CNN1: variants seen among roughly 807,000 people sequenced by gnomAD.
CNN1 encodes the protein calponin 1.
In CNN1, 21 loss-of-function variants were observed where a neutral mutation model predicts 35.3. That is an observed-to-expected ratio of 0.60 (90% CI 0.42 to 0.86). CNN1 has a LOEUF of 0.86. Ranked by LOEUF, CNN1 falls within the 40% of genes least tolerant of loss-of-function variation. The pLI is 0.00. For synonymous variants in CNN1, 164 were observed against 161.8 expected, an observed-to-expected ratio of 1.01 and a Z score of -0.10; for missense variants, 314 against 400.8, an observed-to-expected ratio of 0.78 and a Z score of 1.85.
intron 1 of CNN1, 145 bp from the exon 2 acceptor site, chr19:11,540,931 T>A: frequency 2.5e-6 from 2 of 807,442 alleles, no homozygotes; most frequent in Non-Finnish European, 3.6e-6. Flanking sequence ...ATCCCCCAAC[T>A]ATGGATCTGG....
Position 11,549,824 on chromosome 19 carries a change from C to A in CNN1, c.*29C>A, listed in dbSNP as rs758051953. ...CACAAGGCCTTCCCTGTTTTCCCCCCAAGGGAGGCTGCTGCTGCTCTTGGC... is the reference window on the plus strand; with the variant it reads ...CACAAGGCCTTCCCTGTTTTCCCCCAAAGGGAGGCTGCTGCTGCTCTTGGC... On this transcript the variant is annotated 3_prime_UTR_variant, in exon 7 of 7. Transcript: ENST00000252456. The surrounding 1 kb of genome is among the most constrained non-coding windows in gnomAD (Gnocchi z 5.2). 6 of 1,575,596 alleles carry A rather than the reference C, an allele frequency of 3.8e-6. No individual in the cohort carries two copies. The East Asian group carries it at 9.0e-5, about 24-fold the overall frequency.
chr19:11,540,022 G>A (rs974795762), intron 1 of CNN1: 6 of 1,059,592 alleles, frequency 5.7e-6, no homozygotes, highest in Non-Finnish European at 2.3e-6. Context: ...CCAGGGCCAG[G>A]TGAGGGGGCC....
intron 1 of CNN1, 172 bp downstream of exon 1, chr19:11,539,162 C>T (rs771580679): frequency 9.0e-7 from 1 of 1,110,698 alleles, no homozygotes; most frequent in Non-Finnish European, 1.2e-6. Flanking sequence ...CATCCCGGAG[C>T]CCCCAGCTAT....
Position 11,549,396 on chromosome 19 carries a change from A to G in CNN1, c.575A>G (p.Lys192Arg). 6.2e-7 allele frequency: 1 copy of G among 1,613,794 alleles called. No homozygotes were observed. The highest frequency in any genetic ancestry group is 8.5e-7 in the Non-Finnish European group (1 of 1,179,940). ...YGTRRHLYDP[K>R]LGTDQPLDQA... ...ACCCGGCGCCACCTCTACGACCCCA[A>G]GCTGGGCACAGACCAGCCTCTGGAC... Residue 192 changes from lysine to arginine, a missense_variant, in exon 6 of 7, where the codon AAG (lysine) becomes AGG (arginine). Lys to Arg is a conservative substitution (Grantham distance 26, BLOSUM62 2). Coordinates refer to ENST00000252456, the MANE Select transcript of CNN1 (RefSeq NM_001299.6). The surrounding 1 kb of genome is among the most constrained non-coding windows in gnomAD (Gnocchi z 5.2).
In CNN1 at chr19:11,549,865, C is replaced by T; in HGVS notation, c.*70C>T. On this transcript the variant is annotated 3_prime_UTR_variant, in exon 7 of 7. Coordinates refer to ENST00000252456, the MANE Select transcript of CNN1 (RefSeq NM_001299.6). This position sits in a 1 kb window ranked among gnomAD's most constrained non-coding sequence, Gnocchi z 5.2. The stretch of plus-strand genomic sequence containing the variant: ...TGCTCTTGGCTGGACCCAGCCAGGC[C>T]CAGCCGACCCCCTCTCCCTGCATGG... 6.5e-7 allele frequency: 1 copy of T among 1,536,672 alleles called. No individual in the cohort carries two copies. Among genetic ancestry groups the T allele is most frequent in the Non-Finnish European group, 8.8e-7 (1 of 1,137,118 alleles).
Position 11,539,043 on chromosome 19 carries a change from C to T in CNN1, c.63+53C>T, listed in dbSNP as rs901736530. ...GCCCACACGTCCTGCCAGGCCAGAGCCCTGAGCTTGGGGTCCCTTGAACCC... is the reference window on the plus strand; with the variant it reads ...GCCCACACGTCCTGCCAGGCCAGAGTCCTGAGCTTGGGGTCCCTTGAACCC... On this transcript the variant is annotated intron_variant, in intron 1 of 6. Coordinates refer to ENST00000252456, the MANE Select transcript of CNN1 (RefSeq NM_001299.6). 8.3e-6 allele frequency: 12 copies of T among 1,452,132 alleles called. No homozygotes were observed. In the African/African-American group the frequency reaches 1.4e-4, roughly 18 times the overall value. 90.0% of individuals were successfully genotyped at this position (1,452,132 alleles called of 1,614,324 possible).
Position 11,541,062 on chromosome 19 carries a change from T to A in CNN1, c.64-14T>A, listed in dbSNP as rs746905716. 6 of 1,595,106 alleles carry A rather than the reference T, an allele frequency of 3.8e-6. No individual in the cohort carries two copies. In the Admixed American group the frequency reaches 8.7e-5, roughly 23 times the overall value. On this transcript the variant is annotated splice_polypyrimidine_tract_variant and intron_variant, in intron 1 of 6. Coordinates refer to ENST00000252456, the MANE Select transcript of CNN1 (RefSeq NM_001299.6). ...ACCCCTTTCTCTGTGCCCCCTGCCC[T>A]CCCCTCGCCCCAGCTGGCCCAGAAG...
chr19:11,549,476 G>A lies in CNN1; in HGVS notation c.648+7G>A, dbSNP rs569795788. 1.2e-6 allele frequency: 2 copies of A among 1,613,250 alleles called. No individual in the cohort carries two copies. Among genetic ancestry groups the A allele is most frequent in the East Asian group, 4.5e-5 (2 of 44,832 alleles). ...CAACAAAGGAGCCAGCCAGGTGAGT[G>A]GGGGCCCCCGGGACACGCCGTCAAG... On this transcript the variant is annotated splice_region_variant and intron_variant, in intron 6 of 6. Transcript: ENST00000252456. This position sits in a 1 kb window ranked among gnomAD's most constrained non-coding sequence, Gnocchi z 5.2.
chr19:11,543,899 G>C (rs1360472966), intron 2 of CNN1, among the ~76,000 whole-genome samples: 1 of 150,494 alleles, frequency 6.6e-6, no homozygotes, highest in Non-Finnish European at 1.5e-5. Context: ...ATGTACCCCA[G>C]AAGTTAAAGT....
At chr19:11,539,148 T>C (rs769162470) in intron 1 of CNN1, 158 bp downstream of exon 1, 80 of 1,087,846 alleles carry the variant, frequency 7.4e-5, no homozygotes, top group Non-Finnish European at 8.9e-5. Flanking sequence ...TGTCTCCCCC[T>C]GAACATCCCG....
intron 1 of CNN1, chr19:11,539,882 G>C (rs1464885563): frequency 1.7e-6 from 2 of 1,165,572 alleles, no homozygotes; most frequent in Middle Eastern, 3.9e-4. Context: ...CCCCAGCGCC[G>C]GCCCCAGAGC....
chr19:11,539,050 C>A (rs2145023301), intron 1 of CNN1, 60 bp downstream of exon 1: 1 of 1,403,290 alleles, frequency 7.1e-7, no homozygotes, highest in Admixed American at 2.6e-5. Flanking sequence ...GAGCCCTGAG[C>A]TTGGGGTCCC....
At chr19:11,540,089 GGGGCTGGGAGCCTGGCT>G in intron 1 of CNN1, 1 of 1,025,500 alleles carries the variant, frequency 9.8e-7, no homozygotes, top group Non-Finnish European at 1.2e-6. Flanking sequence ...CGGTCCCCTA[GGGGCTGGGAGCCTGGCT>G]GGGCTTGGGC....
rs776419314 is a variant in CNN1, at chr19:11,549,375, G to A, written c.554G>A (p.Arg185Gln). Residue 185 changes from arginine to glutamine, a missense_variant, in exon 6 of 7, where the codon CGG becomes CAG. Physicochemically the swap from Arg to Gln is conservative, Grantham distance 43 (BLOSUM62 1). Transcript: ENST00000252456. The surrounding 1 kb of genome is among the most constrained non-coding windows in gnomAD (Gnocchi z 5.2). ...SQQGMTAYGT[R>Q]RHLYDPKLGT... ...CAGGGCATGACGGCCTATGGCACCC[G>A]GCGCCACCTCTACGACCCCAAGCTG... The A allele has an allele frequency of 6.2e-6, 10 of 1,613,118 alleles. No individual in the cohort carries two copies. Among genetic ancestry groups the A allele is most frequent in the Admixed American group, 5.0e-5 (3 of 59,850 alleles).
At chr19:11,545,927 C>G (rs192891969) in intron 2 of CNN1, among the ~76,000 whole-genome samples, 1 of 151,562 alleles carries the variant, frequency 6.6e-6, no homozygotes, top group East Asian at 1.9e-4. Context: ...GATTGCACCA[C>G]TGCTCTCCAG....
rs1189075665 is a variant in CNN1, at chr19:11,544,366, G to A, written c.186-2309G>A. On this transcript the variant is annotated intron_variant, in intron 2 of 6. Transcript: ENST00000252456. Reference sequence around the variant, plus strand: ...CGTGAGGTAGGATCGTGCTTGGGGTGTTCAAGAAACAAGAAGGAGGCTGGC... The same window carrying A: ...CGTGAGGTAGGATCGTGCTTGGGGTATTCAAGAAACAAGAAGGAGGCTGGC... 2.0e-5 allele frequency among the ~76,000 whole-genome samples: 3 copies of A among 152,262 alleles called. No homozygotes were observed. In the East Asian group the frequency reaches 5.8e-4, roughly 29 times the overall value.
chr19:11,543,164 A>G (rs1294679225), intron 2 of CNN1, among the ~76,000 whole-genome samples: 2 of 152,018 alleles, frequency 1.3e-5, no homozygotes, highest in Non-Finnish European at 2.9e-5. Context: ...TGGGCAACAT[A>G]GCCAGATTCC....
chr19:11,539,057 T>TTCAAGGGAC, intron 1 of CNN1, 67 bp downstream of exon 1: 2 of 1,376,074 alleles, frequency 1.5e-6, no homozygotes, highest in Non-Finnish European at 1.9e-6. Flanking sequence ...GAGCTTGGGG[T>TTCAAGGGAC]CCCTTGAACC....
chr19:11,543,492 A>AATAATAATAATAATAAC, intron 2 of CNN1, among the ~76,000 whole-genome samples: 1 of 142,642 alleles, frequency 7.0e-6, no homozygotes. Context: ...ATAATAATAA[A>AATAATAATAATAATAAC]AGAGTGGGCC....
Sources: allele counts gnomAD v4.1 joint callset (sites outside exome capture counted in the v4.1 genomes callset), GRCh38; gene constraint gnomAD v4.1.1; non-coding constraint Gnocchi (gnomAD v3.1); transcripts MANE v1.5; gene names NCBI Gene and HGNC (gene_info 2026-07-23, HGNC 2026-07-21).